Variants in CTNNA3 observed in about 807,000 individuals in gnomAD.
CTNNA3 encodes catenin alpha-3.
A neutral mutation model predicts 95.7 loss-of-function variants in CTNNA3; 76 were observed. The ratio of observed to expected loss-of-function variants is 0.79; its 90% CI spans 0.66 to 0.96. The LOEUF is 0.96. Ranked by LOEUF, CTNNA3 falls within the 40% of genes least tolerant of loss-of-function variation. The pLI is 0.00. For synonymous variants in CTNNA3, 431 were observed against 374.4 expected (o/e 1.15, Z -1.74); for missense variants, 1,191 against 1,089.8 (o/e 1.09, Z -1.31).
At chr10:66,196,924 G>A (rs1390728902) in intron 13 of CTNNA3, among the ~76,000 whole-genome samples, 1 of 152,186 alleles carries the variant, frequency 6.6e-6, no homozygotes, top group Admixed American at 6.5e-5. Context: ...ATGAAGCTGA[G>A]TAAATCAGAG....
intron 11 of CTNNA3, among the ~76,000 whole-genome samples, chr10:66,380,625 C>CTATATA (rs57630837): frequency 4.5e-4 from 55 of 122,886 alleles, no homozygotes; most frequent in Middle Eastern, 8.5e-3. Context: ...ATCTATCTAT[C>CTATATA]TATATATATA....
intron 13 of CTNNA3, among the ~76,000 whole-genome samples, chr10:66,156,241 A>T (rs937231171): frequency 6.6e-6 from 1 of 152,024 alleles, no homozygotes; most frequent in Non-Finnish European, 1.5e-5. Context: ...AGGCCTAAAG[A>T]AGCTTGCAAC....
chr10:67,046,767 A>G (rs1286755842), intron 7 of CTNNA3, among the ~76,000 whole-genome samples: 1 of 152,192 alleles, frequency 6.6e-6, no homozygotes, highest in Non-Finnish European at 1.5e-5. Flanking sequence ...AATAAATAAA[A>G]GCAGGGACTC....
At chr10:67,206,660 C>CAAA (rs201288764) in intron 6 of CTNNA3, among the ~76,000 whole-genome samples, 2 of 137,930 alleles carry the variant, frequency 1.5e-5, no homozygotes, top group African/African-American at 5.3e-5. Context: ...AAAAGACCTT[C>CAAA]AAAAAAAAAA....
rs1356954445 is a variant in CTNNA3, at chr10:65,920,584, T to C, written c.2434A>G (p.Lys812Glu). The change falls in exon 18 of 18, where the codon AAA (lysine) becomes GAA (glutamate). Residue 812 changes from lysine (K) to glutamate (E), a missense_variant. By Grantham distance (56) the Lys-to-Glu change is moderately conservative. Transcript: ENST00000433211. ...DSVTSLIQAA[K>E]NLMNAVVQTV... is the part of the protein sequence containing the mutation. The stretch of plus-strand genomic sequence containing the variant: ...TGCACTACAGCATTCATTAAATTTT[T>C]GGCTGCTTGGATCAGGGATGTGACA... 2 of 1,614,148 alleles carry C rather than the reference T, an allele frequency of 1.2e-6. No individual in the cohort carries two copies. The highest frequency in any genetic ancestry group is 1.7e-6 in the Non-Finnish European group (2 of 1,179,986).
intron 1 of CTNNA3, among the ~76,000 whole-genome samples, chr10:67,755,371 A>T (rs576773707): frequency 6.6e-6 from 1 of 152,328 alleles, no homozygotes; most frequent in South Asian, 2.1e-4. Context: ...ATGTAAAGAA[A>T]GGGAAGCCAT....
chr10:66,448,326 G>T (rs189241958), intron 11 of CTNNA3, among the ~76,000 whole-genome samples: 1 of 152,016 alleles, frequency 6.6e-6, no homozygotes, highest in Non-Finnish European at 1.5e-5. Flanking sequence ...CCCATTACTG[G>T]GTATATACCC....
chr10:66,312,062 T>G (rs1183568874), intron 12 of CTNNA3, among the ~76,000 whole-genome samples: 1 of 152,220 alleles, frequency 6.6e-6, no homozygotes, highest in Non-Finnish European at 1.5e-5. Context: ...GCTTTTGTAG[T>G]TATAATAATT....
At chr10:66,094,585 G>A (rs768648726) in intron 14 of CTNNA3, among the ~76,000 whole-genome samples, 3 of 152,002 alleles carry the variant, frequency 2.0e-5, no homozygotes, top group Non-Finnish European at 4.4e-5. Flanking sequence ...GCTTGAAAAC[G>A]GCTTTCTCCA....
intron 7 of CTNNA3, among the ~76,000 whole-genome samples, chr10:66,828,850 C>G (rs1040002698): frequency 1.3e-5 from 2 of 152,174 alleles, no homozygotes; most frequent in Non-Finnish European, 2.9e-5. Flanking sequence ...GGTCAGCCCC[C>G]ATACAGGTCA....
intron 1 of CTNNA3, among the ~76,000 whole-genome samples, chr10:67,727,011 CAT>C (rs1171011968): frequency 7.5e-5 from 8 of 107,154 alleles, no homozygotes; most frequent in Non-Finnish European, 1.4e-4. Context: ...ATATATGATA[CAT>C]ATATGATATA....
intron 13 of CTNNA3, among the ~76,000 whole-genome samples, chr10:66,136,460 G>A (rs1020561475): frequency 6.6e-6 from 1 of 150,500 alleles, no homozygotes; most frequent in African/African-American, 2.4e-5. Context: ...TACTAAATTG[G>A]ATAATAGTTT....
intron 7 of CTNNA3, among the ~76,000 whole-genome samples, chr10:66,847,596 G>C (rs1843328719): frequency 6.6e-6 from 1 of 152,094 alleles, no homozygotes; most frequent in Non-Finnish European, 1.5e-5. Context: ...CTCAGAAGTT[G>C]GCTGTGAAGA....
chr10:66,159,435 A>T (rs1289119129), intron 13 of CTNNA3, among the ~76,000 whole-genome samples: 1 of 151,584 alleles, frequency 6.6e-6, no homozygotes, highest in Non-Finnish European at 1.5e-5. Flanking sequence ...TTTATTTTTG[A>T]TTCTGTTTAT....
chr10:66,428,094 G>T (rs1309420845), intron 11 of CTNNA3, among the ~76,000 whole-genome samples: 1 of 151,882 alleles, frequency 6.6e-6, no homozygotes, highest in Non-Finnish European at 1.5e-5. Flanking sequence ...AAAGGCAGGG[G>T]TTGCAATCCT....
At chr10:67,421,545 G>A (rs969118391) in intron 5 of CTNNA3, among the ~76,000 whole-genome samples, 8 of 152,128 alleles carry the variant, frequency 5.3e-5, no homozygotes, top group Admixed American at 6.6e-5. Flanking sequence ...TGGGGACCAT[G>A]AACACCTCTC....
intron 11 of CTNNA3, among the ~76,000 whole-genome samples, chr10:66,467,264 A>G (rs528489388): frequency 6.6e-6 from 1 of 152,164 alleles, no homozygotes; most frequent in South Asian, 2.1e-4. Flanking sequence ...GACTCATCAC[A>G]GCACTTAAAA....
intron 17 of CTNNA3, among the ~76,000 whole-genome samples, chr10:65,922,524 C>G (rs1273585141): frequency 1.3e-5 from 2 of 152,074 alleles, no homozygotes; most frequent in Admixed American, 1.3e-4. Flanking sequence ...ATACACATAT[C>G]AATAAGGCAA....
chr10:67,202,383 A>G (rs1020260082), intron 6 of CTNNA3, among the ~76,000 whole-genome samples: 1 of 152,164 alleles, frequency 6.6e-6, no homozygotes, highest in Non-Finnish European at 1.5e-5. Context: ...GTTCTCCATA[A>G]TAAAGCCATA....
Sources: allele counts gnomAD v4.1 joint callset (sites outside exome capture counted in the v4.1 genomes callset), GRCh38; gene constraint gnomAD v4.1.1; transcripts MANE v1.5; gene names NCBI Gene and HGNC (gene_info 2026-07-23, HGNC 2026-07-21).